The following C4orf50 variants were observed in gnomAD, a reference collection of about 807,000 sequenced individuals.
The protein encoded by C4orf50 is chromosome 4 open reading frame 50.
C4orf50 carries 80 observed loss-of-function variants against 77.2 expected under a neutral mutation model. The observed-to-expected ratio is 1.04, with a 90% CI of 0.87 to 1.25. The LOEUF is 1.25. C4orf50 is among the 50% of genes most tolerant of loss of function. The pLI, the probability that C4orf50 is intolerant of heterozygous loss-of-function variation, is 0.00. For synonymous variants in C4orf50, 532 were observed against 465.3 expected (o/e 1.14, Z -1.84); for missense variants, 1,257 against 1,152.9 (o/e 1.09, Z -1.31).
chr4:5,906,955 A>C (rs1464629236), intron 7 of C4orf50, among the ~76,000 whole-genome samples: 1 of 152,254 alleles, frequency 6.6e-6, no homozygotes, highest in East Asian at 1.9e-4. Context: ...TCTGATTCTT[A>C]GGCTCAATCT....
At chr4:6,004,210 T>C (rs1303048376) in intron 25 of C4orf50, among the ~76,000 whole-genome samples, 8 of 65,144 alleles carry the variant, frequency 1.2e-4, no homozygotes, top group African/African-American at 4.2e-4. Context: ...ATGGTGATGA[T>C]GGTGATGGTG....
chr4:5,995,772 T>C (rs1721550128), intron 25 of C4orf50, among the ~76,000 whole-genome samples: 1 of 152,194 alleles, frequency 6.6e-6, no homozygotes, highest in Non-Finnish European at 1.5e-5. Flanking sequence ...CTGGGAAAAG[T>C]AGATGTTTTA....
chr4:5,961,776 C>G (rs1374948370), intron 33 of C4orf50, among the ~76,000 whole-genome samples: 1 of 152,148 alleles, frequency 6.6e-6, no homozygotes, highest in Non-Finnish European at 1.5e-5. Flanking sequence ...AAAGATTTGT[C>G]AGCCTTTTCA....
chr4:6,008,279 G>A lies in C4orf50; in HGVS notation c.680C>T (p.Ala227Val). Reference sequence around the variant, plus strand: ...CTCGGTGGCGCCCTGGGAGCCTGGGGCCGCGGTGTCCCACTGGGCCAGCAG... The same window carrying A: ...CTCGGTGGCGCCCTGGGAGCCTGGGACCGCGGTGTCCCACTGGGCCAGCAG... Residue 227 changes from alanine (A) to valine (V), a missense_variant, in exon 25 of 34, where the codon GCC (alanine) becomes GTC (valine). By Grantham distance (64) the Ala-to-Val change is moderately conservative (BLOSUM62 0). Transcript: ENST00000531445. This position sits in a 1 kb window ranked among gnomAD's most constrained non-coding sequence, Gnocchi z 6.0. The A allele has an allele frequency of 2.6e-6, 1 of 391,544 alleles. No homozygotes were observed. The highest frequency in any genetic ancestry group is 4.5e-6 in the Non-Finnish European group (1 of 221,630). The allele number at this position is 391,544 out of a possible 1,614,324, so 24.3% of individuals were successfully genotyped here. A position where few individuals can be genotyped will look rare whatever the true frequency, so the allele number is the denominator to read the frequency against.
At position 6,007,863 on chromosome 4, in the gene C4orf50, GA is replaced by G. The variant is rs1178321346; in HGVS notation, c.963+132del. 2 of 397,902 alleles carry G rather than the reference GA, an allele frequency of 5.0e-6. No homozygotes were observed. The highest frequency in any genetic ancestry group is 4.4e-5 in the Admixed American group (1 of 22,736). 24.6% of individuals were successfully genotyped at this position (397,902 alleles called of 1,614,324 possible). A position where few individuals can be genotyped will look rare whatever the true frequency, so the allele number is the denominator to read the frequency against. ...TGAGTAGATGCAGTGAAGGACGATGGACAGGGCTGGCAGGGTTAAACGGCTG... is the reference window on the plus strand; with the variant it reads ...TGAGTAGATGCAGTGAAGGACGATGGCAGGGCTGGCAGGGTTAAACGGCTG... On this transcript the variant is annotated intron_variant, in intron 25 of 33. Coordinates refer to ENST00000531445, the Ensembl canonical transcript of C4orf50. The surrounding 1 kb of genome is among the most constrained non-coding windows in gnomAD (Gnocchi z 4.1).
chr4:5,997,393 C>T (rs1266518688), intron 25 of C4orf50, among the ~76,000 whole-genome samples: 8 of 152,300 alleles, frequency 5.3e-5, no homozygotes, highest in Non-Finnish European at 8.8e-5. Context: ...TAGAAGACAA[C>T]GCTGTACTGA....
chr4:5,939,284 A>C (rs1223207419), intron 7 of C4orf50, among the ~76,000 whole-genome samples: 2 of 152,172 alleles, frequency 1.3e-5, no homozygotes, highest in Non-Finnish European at 2.9e-5. Flanking sequence ...GGAATATACC[A>C]GTCACCACCT....
At chr4:5,991,997 G>T (rs759062227) in intron 27 of C4orf50, among the ~76,000 whole-genome samples, 1 of 152,138 alleles carries the variant, frequency 6.6e-6, no homozygotes, top group Non-Finnish European at 1.5e-5. Flanking sequence ...GCCCCAGAAA[G>T]GTACAGACCT....
chr4:5,925,268 G>C (rs1577894482), intron 7 of C4orf50, among the ~76,000 whole-genome samples: 1 of 152,082 alleles, frequency 6.6e-6, no homozygotes, highest in African/African-American at 2.4e-5. Flanking sequence ...AAGCAGCAAG[G>C]AGGTGTGGTG....
intron 7 of C4orf50, among the ~76,000 whole-genome samples, chr4:5,931,245 T>A (rs1717755465): frequency 1.3e-5 from 2 of 152,128 alleles, no homozygotes; most frequent in Non-Finnish European, 2.9e-5. Context: ...CAGGGGTTTG[T>A]ATTCAGGGCA....
At chr4:5,980,120 C>A (rs1428541999) in intron 29 of C4orf50, 54 bp downstream of exon 7, 1 of 1,489,886 alleles carries the variant, frequency 6.7e-7, no homozygotes, top group East Asian at 2.3e-5. Flanking sequence ...CCCAAAACGC[C>A]CCGGGGTGTG....
chr4:5,954,386 C>G (rs1482219196), downstream of C4orf50, among the ~76,000 whole-genome samples: 1 of 152,106 alleles, frequency 6.6e-6, no homozygotes, highest in African/African-American at 2.4e-5. This position sits in a 1 kb window ranked among gnomAD's most constrained non-coding sequence, Gnocchi z 4.7. Context: ...ACCTGCTGCC[C>G]GATGCTAAAT....
chr4:5,930,649 C>T (rs952930369), intron 7 of C4orf50, among the ~76,000 whole-genome samples: 4 of 152,212 alleles, frequency 2.6e-5, no homozygotes, highest in Non-Finnish European at 4.4e-5. Context: ...CCTCTGGGGC[C>T]CCGCCCGCCC....
chr4:5,983,828 G>A (rs986419190), intron 28 of C4orf50, among the ~76,000 whole-genome samples: 12 of 152,212 alleles, frequency 7.9e-5, no homozygotes, highest in African/African-American at 2.9e-4. Flanking sequence ...CAAAGTAACA[G>A]GGAAGAGATA....
intron 25 of C4orf50, among the ~76,000 whole-genome samples, chr4:5,999,018 C>T (rs1234587703): frequency 6.6e-6 from 1 of 152,180 alleles, no homozygotes; most frequent in Admixed American, 6.5e-5. Flanking sequence ...CATGTGACCT[C>T]GGGAGGAAGC....
intron 30 of C4orf50, among the ~76,000 whole-genome samples, chr4:5,975,295 C>T (rs1381162420): frequency 6.6e-6 from 1 of 152,034 alleles, no homozygotes; most frequent in East Asian, 1.9e-4. Context: ...TCTCGTGCTT[C>T]ACCCCAGCAT....
In C4orf50 at chr4:6,017,954, C is replaced by T. The variant is rs536478751; in HGVS notation, c.287+191G>A. 1.3e-5 allele frequency among the ~76,000 whole-genome samples: 2 copies of T among 152,270 alleles called. No individual in the cohort carries two copies. The highest frequency in any genetic ancestry group is 1.9e-4 in the East Asian group (1 of 5,172). ...TTGAGCAGAGGAGCCCGGGCAGCCT[C>T]ATCTGCAGGTACAGAGCAGAAGAAG... is the stretch of plus-strand genomic sequence containing the variant. On this transcript the variant is annotated intron_variant, in intron 23 of 33. Coordinates refer to ENST00000531445, the Ensembl canonical transcript of C4orf50. This position sits in a 1 kb window ranked among gnomAD's most constrained non-coding sequence, Gnocchi z 4.7.
chr4:5,920,683 C>T (rs1226879458), intron 7 of C4orf50, among the ~76,000 whole-genome samples: 1 of 151,456 alleles, frequency 6.6e-6, no homozygotes, highest in East Asian at 2.0e-4. Flanking sequence ...CACCATTTGG[C>T]CAGGCTGGTC....
In C4orf50 at chr4:5,978,989, A is replaced by G. The variant is rs188909833; in HGVS notation, c.3864+1185T>C. 1.2e-3 allele frequency among the ~76,000 whole-genome samples: 178 copies of G among 152,304 alleles called. 1 individual carries two copies. Among genetic ancestry groups the G allele is most frequent in the Non-Finnish European group, 2.1e-3 (146 of 68,010 alleles). ...ACATGGGAGAAGAGCTGGAAATTAT[A>G]CCGTAATGCTGAGGCTGTATTTTTC... On this transcript the variant is annotated intron_variant, in intron 29 of 33. Coordinates refer to ENST00000531445, the Ensembl canonical transcript of C4orf50.
Sources: gnomAD v4.1 joint callset for allele counts (sites outside exome capture counted in the v4.1 genomes callset) on GRCh38, gnomAD v4.1.1 for gene constraint, Gnocchi (gnomAD v3.1) non-coding constraint, MANE v1.5 for transcripts, NCBI Gene and HGNC (gene_info 2026-07-23, HGNC 2026-07-21) for gene names.